RNF17: variants seen among roughly 807,000 people sequenced by gnomAD.
The protein encoded by RNF17 is spermatogenesis associated 23.
Under a neutral mutation model 200.5 loss-of-function variants are expected in RNF17, and 31 were observed. The ratio of observed to expected loss-of-function variants is 0.15; its 90% CI spans 0.12 to 0.21. The LOEUF is 0.21. Among genes scored for constraint, RNF17 ranks in the 10% least tolerant of loss-of-function variants. The pLI, the probability that RNF17 is intolerant of heterozygous loss-of-function variation, is 1.00. For missense variants in RNF17, 1,628 were observed against 1,905.1 expected, an observed-to-expected ratio of 0.85 and a Z score of 2.71; for synonymous variants, 606 against 637.8, an observed-to-expected ratio of 0.95 and a Z score of 0.75.
intron 15 of RNF17, among the ~76,000 whole-genome samples, chr13:24,815,110 T>C (rs1003615215): frequency 6.6e-6 from 1 of 152,200 alleles, no homozygotes; most frequent in Non-Finnish European, 1.5e-5. Flanking sequence ...AGGGATTACA[T>C]TGAATTGTAA....
At chr13:24,877,629 GC>G (rs574384633) in intron 34 of RNF17, among the ~76,000 whole-genome samples, 106 of 152,280 alleles carry the variant, frequency 7.0e-4, no homozygotes, top group African/African-American at 2.3e-3. Context: ...CTACTTAGAA[GC>G]CACTCAAGTA....
intron 15 of RNF17, among the ~76,000 whole-genome samples, chr13:24,819,240 A>AT (rs1340500512): frequency 2.6e-5 from 4 of 152,074 alleles, no homozygotes; most frequent in African/African-American, 9.7e-5. Context: ...ATTTTTATGA[A>AT]TTTTACTATG....
chr13:24,829,395 G>A (rs1424906838), intron 16 of RNF17, among the ~76,000 whole-genome samples: 1 of 152,142 alleles, frequency 6.6e-6, no homozygotes, highest in Non-Finnish European at 1.5e-5. Context: ...CCATCTATTT[G>A]TTTAAAACTA....
chr13:24,808,162 G>GT (rs1475543183), intron 15 of RNF17, among the ~76,000 whole-genome samples: 1 of 151,200 alleles, frequency 6.6e-6, no homozygotes, highest in African/African-American at 2.4e-5. Flanking sequence ...CTTTAAAGTA[G>GT]TTTTTTCCAA....
chr13:24,850,489 C>A, intron 23 of RNF17, 46 bp downstream of exon 23: 1 of 1,139,992 alleles, frequency 8.8e-7, no homozygotes, highest in Non-Finnish European at 1.3e-6. Context: ...ATTAATGTTT[C>A]CATCGATTCC....
chr13:24,877,153 T>A lies in RNF17; in HGVS notation c.4740T>A (p.Cys1580Ter). ...SMEALWAMID[C>*]LQGKQLYAVS... is the part of the protein sequence containing the mutation. ...AGGCACTGTGGGCTATGATAGACTGTCTTCAAGGAAAACAACTCTATGCTG... is the reference window on the plus strand; with the variant it reads ...AGGCACTGTGGGCTATGATAGACTGACTTCAAGGAAAACAACTCTATGCTG... The change falls in exon 34 of 36, where the codon TGT becomes TGA. Residue 1580 changes from cysteine (C) to a stop codon, truncating the protein, a stop_gained. Transcript: ENST00000255324. LOFTEE classifies it high-confidence loss of function. 6.2e-7 allele frequency: 1 copy of A among 1,613,218 alleles called. No homozygotes were observed. The highest frequency in any genetic ancestry group is 8.5e-7 in the Non-Finnish European group (1 of 1,179,674).
At chr13:24,796,397 A>G (rs764839290) in intron 11 of RNF17, 102 bp downstream of exon 11, 69 of 721,712 alleles carry the variant, frequency 9.6e-5, no homozygotes, top group Non-Finnish European at 1.4e-4. Context: ...TTTTTGCTCT[A>G]AGTTCATTTG....
At chr13:24,857,576 G>T (rs990102685) in intron 25 of RNF17, among the ~76,000 whole-genome samples, 1 of 152,188 alleles carries the variant, frequency 6.6e-6, no homozygotes, top group Non-Finnish European at 1.5e-5. Context: ...TGTAAGACCT[G>T]TCACTTACAC....
chr13:24,799,641 T>C, intron 12 of RNF17, 57 bp downstream of exon 12: 1 of 1,065,522 alleles, frequency 9.4e-7, no homozygotes, highest in Non-Finnish European at 1.4e-6. Context: ...TGGAGGGAGG[T>C]GGAGTTAAAG....
chr13:24,773,520 G>C (rs997793627), intron 2 of RNF17, among the ~76,000 whole-genome samples: 1 of 152,098 alleles, frequency 6.6e-6, no homozygotes, highest in Non-Finnish European at 1.5e-5. Context: ...GGACATAAAC[G>C]TGGAAACAGT....
chr13:24,820,130 T>C (rs201530355), intron 15 of RNF17, among the ~76,000 whole-genome samples: 25,306 of 147,610 alleles, frequency 0.17, 2,212 homozygotes, highest in South Asian at 0.31. Context: ...TCTTTTTTTT[T>C]TTTTTTTTTG....
In RNF17 at chr13:24,843,954, T is replaced by A. The variant is rs778353376; in HGVS notation, c.2814T>A (p.Thr938=). 6.3e-6 allele frequency: 9 copies of A among 1,418,682 alleles called. No homozygotes were observed. The African/African-American group carries it at 1.3e-4, about 21-fold the overall frequency. 87.9% of individuals were successfully genotyped at this position (1,418,682 alleles called of 1,614,324 possible). Residue 938 remains threonine (T), a synonymous_variant, in exon 20 of 36, where the codon ACT becomes ACA. Coordinates refer to ENST00000255324, the MANE Select transcript of RNF17 (RefSeq NM_031277.3). ...AGATTTATGTTCAGTGGTTGTTAACTGAAAACTTACTTAATAGGTATAATA... is the reference window on the plus strand; with the variant it reads ...AGATTTATGTTCAGTGGTTGTTAACAGAAAACTTACTTAATAGGTATAATA... ...PEKIYVQWLL[T]ENLLNSLEEK...
chr13:24,853,231 G>T (rs188831207), intron 24 of RNF17, among the ~76,000 whole-genome samples: 3 of 152,162 alleles, frequency 2.0e-5, no homozygotes, highest in African/African-American at 7.2e-5. Context: ...CCTTTTAAAA[G>T]TACAGGAGAT....
At chr13:24,794,248 C>T (rs762122989) in intron 10 of RNF17, 9 of 456,170 alleles carry the variant, frequency 2.0e-5, no homozygotes, top group Non-Finnish European at 2.2e-5. Flanking sequence ...AAAGCAGATA[C>T]TGTAACAACT....
intron 15 of RNF17, among the ~76,000 whole-genome samples, chr13:24,817,233 A>C (rs924569283): frequency 6.6e-6 from 1 of 152,096 alleles, no homozygotes; most frequent in Admixed American, 6.6e-5. Context: ...CAGTGAATCT[A>C]TCTGGTCCAG....
the RNF17 span, among the ~76,000 whole-genome samples, chr13:24,757,560 G>A: frequency 6.6e-6 from 1 of 152,104 alleles, no homozygotes; most frequent in African/African-American, 2.4e-5. Flanking sequence ...CTGACCTCAG[G>A]CAATCTGCCG....
chr13:24,859,646 T>C (rs1593455643), intron 26 of RNF17, among the ~76,000 whole-genome samples: 1 of 151,946 alleles, frequency 6.6e-6, no homozygotes, highest in South Asian at 2.1e-4. Flanking sequence ...ATACCTCTAA[T>C]ACATTGTATT....
chr13:24,843,810 T>G lies in RNF17; in HGVS notation c.2670T>G (p.Ile890Met), dbSNP rs957431578. 3.1e-6 allele frequency: 5 copies of G among 1,610,864 alleles called. No homozygotes were observed. Among genetic ancestry groups the G allele is most frequent in the Non-Finnish European group, 3.4e-6 (4 of 1,178,260 alleles). Residue 890 changes from isoleucine to methionine, a missense_variant, in exon 20 of 36, where the codon ATT (isoleucine) becomes ATG (methionine). Physicochemically the swap from Ile to Met is conservative, Grantham distance 10 (BLOSUM62 1). Transcript: ENST00000255324. ...GGGATCCTTCTCCAGAAGAAATTAT[T>G]TCAAATGAAGTACACAACTTAAATC... ...EVWDPSPEEI[I>M]SNEVHNLNPV... is the part of the protein sequence containing the mutation.
downstream of RNF17, among the ~76,000 whole-genome samples, chr13:24,881,542 T>G (rs1347230147): frequency 2.6e-5 from 4 of 151,954 alleles, no homozygotes; most frequent in Admixed American, 6.6e-5. Context: ...TCTGTAGATA[T>G]CTATATATAG....
Sources: gnomAD v4.1 joint callset for allele counts (sites outside exome capture counted in the v4.1 genomes callset) on GRCh38, gnomAD v4.1.1 for gene constraint, MANE v1.5 for transcripts, NCBI Gene and HGNC (gene_info 2026-07-23, HGNC 2026-07-21) for gene names.